COL4A4: variants seen among roughly 807,000 people sequenced by gnomAD.
The protein encoded by COL4A4 is collagen alpha-4(IV) chain.
In COL4A4, 105 loss-of-function variants were observed where a neutral mutation model predicts 192.9. The observed-to-expected ratio is 0.54, with a 90% CI of 0.46 to 0.64. The LOEUF (loss-of-function observed/expected upper bound fraction) is 0.64. Ranked by LOEUF, COL4A4 falls within the 30% of genes least tolerant of loss-of-function variation. The probability of loss-of-function intolerance (pLI) is 0.00; values close to 1 mark genes in which losing one functional copy is unlikely to be tolerated. For missense variants in COL4A4, 1,967 were observed against 2,169.3 expected, an observed-to-expected ratio of 0.91 and a Z score of 1.85; for synonymous variants, 762 against 769.9, an observed-to-expected ratio of 0.99 and a Z score of 0.17.
chr2:227,101,635 CA>C, intron 16 of COL4A4, 78 bp from the exon 17 acceptor site: 5 of 1,377,028 alleles, frequency 3.6e-6, no homozygotes, highest in Non-Finnish European at 5.1e-6. Flanking sequence ...TTAATTTAAG[CA>C]ACACATTGCC....
At chr2:227,089,496 T>G (rs1038638537) in intron 21 of COL4A4, among the ~76,000 whole-genome samples, 2 of 150,704 alleles carry the variant, frequency 1.3e-5, no homozygotes, top group Non-Finnish European at 2.9e-5. Context: ...CAAACATCAA[T>G]ACTGTCCTAT....
At chr2:227,144,446 G>T in intron 3 of COL4A4, 70 bp downstream of exon 3, 2 of 1,351,770 alleles carry the variant, frequency 1.5e-6, no homozygotes, top group Non-Finnish European at 2.1e-6. Flanking sequence ...TTCTTTGAAA[G>T]TATAACAAAA....
chr2:227,144,416 A>G, intron 3 of COL4A4, 100 bp downstream of exon 3: 2 of 1,005,740 alleles, frequency 2.0e-6, no homozygotes, highest in Non-Finnish European at 3.1e-6. Flanking sequence ...AGGTAAGAAA[A>G]TTGAGTCCCA....
At chr2:227,042,382 C>T in intron 36 of COL4A4, 127 bp from the exon 37 acceptor site, 1 of 664,798 alleles carries the variant, frequency 1.5e-6, no homozygotes, top group African/African-American at 1.8e-5. Flanking sequence ...TCTTCCTATA[C>T]ATCTTAACTC....
intron 22 of COL4A4, among the ~76,000 whole-genome samples, chr2:227,084,322 T>C (rs1223031946): frequency 1.3e-5 from 2 of 152,214 alleles, no homozygotes; most frequent in Non-Finnish European, 2.9e-5. Flanking sequence ...GACAAATTTC[T>C]TTCCAGAAAG....
intron 37 of COL4A4, among the ~76,000 whole-genome samples, chr2:227,041,890 G>A (rs572257399): frequency 1.0e-3 from 153 of 147,820 alleles, no homozygotes; most frequent in African/African-American, 4.0e-3. Flanking sequence ...AAGAAAGAAA[G>A]AAAGAAAGAA....
intron 4 of COL4A4, among the ~76,000 whole-genome samples, chr2:227,128,545 C>A (rs1438101481): frequency 6.6e-6 from 1 of 152,182 alleles, no homozygotes; most frequent in African/African-American, 2.4e-5. Flanking sequence ...TCCTCCTTCC[C>A]TGTCACTGAA....
chr2:226,979,570 G>C, the COL4A4 span, among the ~76,000 whole-genome samples: 1 of 152,166 alleles, frequency 6.6e-6, no homozygotes, highest in Non-Finnish European at 1.5e-5. Context: ...AAAGGCAGGA[G>C]GAGAGGAAGC....
the COL4A4 span, among the ~76,000 whole-genome samples, chr2:226,982,465 A>G: frequency 6.6e-6 from 1 of 152,238 alleles, no homozygotes; most frequent in East Asian, 1.9e-4. Context: ...AGTAAAGATA[A>G]GTTGAACTTT....
the COL4A4 span, among the ~76,000 whole-genome samples, chr2:226,987,637 G>A: frequency 6.6e-6 from 1 of 152,176 alleles, no homozygotes; most frequent in Admixed American, 6.5e-5. Context: ...AGAGGTCCAG[G>A]CCCCCCTCTG....
intron 28 of COL4A4, among the ~76,000 whole-genome samples, chr2:227,058,215 A>G (rs1451671521): frequency 2.0e-5 from 3 of 152,192 alleles, no homozygotes; most frequent in Admixed American, 1.3e-4. Context: ...CTTTACAAAT[A>G]TGATTTAAAT....
At chr2:227,138,652 GA>G (rs2062991348) in intron 4 of COL4A4, among the ~76,000 whole-genome samples, 1 of 146,146 alleles carries the variant, frequency 6.8e-6, no homozygotes, top group African/African-American at 2.5e-5. Flanking sequence ...AAAAAAAAAA[GA>G]AAAAGCTCAA....
In COL4A4 at chr2:227,030,561, G is replaced by A. The variant is rs1968063829; in HGVS notation, c.3855C>T (p.Asp1285=). The A allele has an allele frequency of 6.2e-7, 1 of 1,613,706 alleles. No individual in the cohort carries two copies. The highest frequency in any genetic ancestry group is 1.7e-5 in the Admixed American group (1 of 59,962). ...AGTCACCTGGCTCCCCTCTCAGAAG[G>A]TCAACACTCCCAGGGAGGCCTGGAG... ...PGPPGLPGSV[D]LLRGEPGDCG... Residue 1285 remains aspartate, a synonymous_variant, in exon 41 of 48, where the codon GAC becomes GAT. Coordinates refer to ENST00000396625, the MANE Select transcript of COL4A4 (RefSeq NM_000092.5).
intron 4 of COL4A4, among the ~76,000 whole-genome samples, chr2:227,137,196 T>C (rs1157265217): frequency 6.6e-6 from 1 of 151,436 alleles, no homozygotes. Flanking sequence ...GGGTGGAAAG[T>C]ACACCATCTA....
intron 47 of COL4A4, 30 bp from the exon 48 acceptor site, chr2:227,007,618 T>C (rs747888536): frequency 1.8e-5 from 29 of 1,611,940 alleles, no homozygotes; most frequent in Non-Finnish European, 1.9e-5. Context: ...GAATTAGGGC[T>C]CAGACACACA....
intron 22 of COL4A4, among the ~76,000 whole-genome samples, chr2:227,083,246 G>C (rs1192296764): frequency 6.6e-6 from 1 of 151,890 alleles, no homozygotes; most frequent in Admixed American, 6.6e-5. Flanking sequence ...ATATATATAT[G>C]AACCTATTGT....
At chr2:227,002,314 A>G (rs1187940117), downstream of COL4A4, among the ~76,000 whole-genome samples, 6 of 150,508 alleles carry the variant, frequency 4.0e-5, no homozygotes, top group African/African-American at 1.5e-4. Context: ...AAAAGTAACA[A>G]TATCTTTGGT....
chr2:226,981,910 T>C, the COL4A4 span, among the ~76,000 whole-genome samples: 1 of 152,242 alleles, frequency 6.6e-6, no homozygotes, highest in South Asian at 2.1e-4. Context: ...GGAGCTTATC[T>C]ACTCCAAACA....
At chr2:227,101,802 A>G in intron 16 of COL4A4, 63 bp downstream of exon 16, 1 of 1,297,324 alleles carries the variant, frequency 7.7e-7, no homozygotes, top group Non-Finnish European at 1.1e-6. Context: ...CAACTTCTGA[A>G]TTATACTAAA....
Sources: allele counts gnomAD v4.1 joint callset (sites outside exome capture counted in the v4.1 genomes callset), GRCh38; gene constraint gnomAD v4.1.1; transcripts MANE v1.5; gene names NCBI Gene and HGNC (gene_info 2026-07-23, HGNC 2026-07-21).